Variants in ZNF527 observed in about 807,000 individuals in gnomAD.
ZNF527 encodes the protein zinc finger protein 527.
In ZNF527, 5 loss-of-function variants were observed where a neutral mutation model predicts 13.5. The ratio of observed to expected loss-of-function variants is 0.37; its 90% CI spans 0.19 to 0.78. ZNF527 has a LOEUF of 0.78. Ranked by LOEUF, ZNF527 falls within the 30% of genes least tolerant of loss-of-function variation. ZNF527 has a pLI of 0.48. For missense variants in ZNF527, 628 were observed against 726.4 expected, an observed-to-expected ratio of 0.86 and a Z score of 1.56; for synonymous variants, 209 against 243.1, an observed-to-expected ratio of 0.86 and a Z score of 1.30.
intron 2 of ZNF527, among the ~76,000 whole-genome samples, chr19:37,374,494 G>C (rs976798438): frequency 6.6e-6 from 1 of 152,246 alleles, no homozygotes; most frequent in Non-Finnish European, 1.5e-5. Flanking sequence ...AAGGGATAGA[G>C]TTTGATTACT....
chr19:37,390,250 A>T lies in ZNF527; in HGVS notation c.*371A>T, dbSNP rs1254726237. The T allele has an allele frequency of 5.7e-6, 1 of 175,102 alleles. No homozygotes were observed. The highest frequency in any genetic ancestry group is 1.2e-5 in the Non-Finnish European group (1 of 81,710). The allele number at this position is 175,102 out of a possible 1,614,324, so 10.8% of individuals were successfully genotyped here. A position where few individuals can be genotyped will look rare whatever the true frequency, so the allele number is the denominator to read the frequency against. ...CACCACATTGGTCAGGCTGATCTCG[A>T]ACTCCTGACTTTAGGTGATCCACAC... On this transcript the variant is annotated 3_prime_UTR_variant, in exon 5 of 5. Coordinates refer to ENST00000436120, the MANE Select transcript of ZNF527 (RefSeq NM_032453.2).
intron 2 of ZNF527, among the ~76,000 whole-genome samples, chr19:37,375,190 T>A (rs1167862549): frequency 2.6e-5 from 4 of 152,156 alleles, no homozygotes; most frequent in Admixed American, 2.6e-4. Context: ...GAATGCTGAT[T>A]ATACATCTGG....
intron 2 of ZNF527, among the ~76,000 whole-genome samples, chr19:37,376,774 T>C (rs1245628427): frequency 6.6e-6 from 1 of 151,318 alleles, no homozygotes; most frequent in Non-Finnish European, 1.5e-5. Flanking sequence ...CTTACAGTAG[T>C]GTAGCCAGCA....
Position 37,379,105 on chromosome 19 carries a change from AT to A in ZNF527, c.34-8del. Reference sequence around the variant, plus strand: ...GTGTCTGGGCACCTGGTGAACAAGAATTTTTTTATTTCAGGGGTTGGTGACC... The same window carrying A: ...GTGTCTGGGCACCTGGTGAACAAGAATTTTTTATTTCAGGGGTTGGTGACC... On this transcript the variant is annotated splice_polypyrimidine_tract_variant and intron_variant, in intron 2 of 4. Coordinates refer to ENST00000436120, the MANE Select transcript of ZNF527 (RefSeq NM_032453.2). The A allele has an allele frequency of 6.2e-7, 1 of 1,614,010 alleles. No individual in the cohort carries two copies.
intron 4 of ZNF527, among the ~76,000 whole-genome samples, chr19:37,387,706 GGTTTCTTTTAGTCACT>G (rs2040711883): frequency 6.6e-6 from 1 of 152,088 alleles, no homozygotes; most frequent in South Asian, 2.1e-4. Flanking sequence ...CTGACCACTA[GGTTTCTTTTAGTCACT>G]GAGAAAAAAT....
chr19:37,374,247 C>T lies in ZNF527; in HGVS notation c.33+16C>T. 1 of 1,613,772 alleles carries T rather than the reference C, an allele frequency of 6.2e-7. No homozygotes were observed. Among genetic ancestry groups the T allele is most frequent in the Non-Finnish European group, 8.5e-7 (1 of 1,179,804 alleles). Reference sequence around the variant, plus strand: ...CATGTCCCAGGTAAGCATGCTCTTTCACTTTGTTTTCAGACATTTGACCTC... The same window carrying T: ...CATGTCCCAGGTAAGCATGCTCTTTTACTTTGTTTTCAGACATTTGACCTC... On this transcript the variant is annotated intron_variant, in intron 2 of 4. Transcript: ENST00000436120.
At chr19:37,379,945 C>A (rs1298193617) in intron 3 of ZNF527, 1 of 193,990 alleles carries the variant, frequency 5.2e-6, no homozygotes, top group Non-Finnish European at 1.1e-5. Context: ...AATAAACTCT[C>A]CAAATGATCC....
chr19:37,378,970 A>C lies in ZNF527; in HGVS notation c.34-150A>C, dbSNP rs149301131. On this transcript the variant is annotated intron_variant, in intron 2 of 4. Coordinates refer to ENST00000436120, the MANE Select transcript of ZNF527 (RefSeq NM_032453.2). ...TGTTTCTAATATTTCTCTTCTCTTA[A>C]AGTATTTGACAAACCTCAGCATGTA... The C allele has an allele frequency of 1.3e-4, 108 of 816,092 alleles. No homozygotes were observed. The African/African-American group carries it at 1.7e-3, about 13-fold the overall frequency. 50.6% of individuals were successfully genotyped at this position (816,092 alleles called of 1,614,324 possible). A position where few individuals can be genotyped will look rare whatever the true frequency, so the allele number is the denominator to read the frequency against.
intron 1 of ZNF527, among the ~76,000 whole-genome samples, chr19:37,371,879 A>T (rs952036281): frequency 1.3e-5 from 2 of 151,888 alleles, no homozygotes; most frequent in African/African-American, 2.4e-5. Context: ...GTGTGTATAT[A>T]TGAGATTGTG....
chr19:37,381,802 G>A (rs976928849), intron 4 of ZNF527, among the ~76,000 whole-genome samples: 12 of 151,900 alleles, frequency 7.9e-5, no homozygotes, highest in Non-Finnish European at 1.5e-5. Context: ...TATTAATTGG[G>A]ATTGTTCTGA....
intron 2 of ZNF527, among the ~76,000 whole-genome samples, chr19:37,377,285 G>C (rs1189964419): frequency 1.3e-5 from 2 of 152,164 alleles, no homozygotes; most frequent in Non-Finnish European, 2.9e-5. Context: ...TTGAAGCCTA[G>C]AGTTTTATTC....
chr19:37,388,749 A>G lies in ZNF527; in HGVS notation c.700A>G (p.Ser234Gly). ...AGAATTCAACCAGAGTACGTACCTT[A>G]GTAAAGATATAGGAATTCCTCCTGG... Reference protein sequence around the residue: ...CEEFNQSTYLSKDIGIPPGEK... With the variant: ...CEEFNQSTYLGKDIGIPPGEK... Residue 234 changes from serine (S) to glycine (G), a missense_variant, in exon 5 of 5, where the codon AGT becomes GGT. This residue lies in a region of ZNF527 where 592 missense variants were observed against 678.0 expected (regional missense o/e 0.87). Transcript: ENST00000436120. 6.2e-7 allele frequency: 1 copy of G among 1,612,896 alleles called. No individual in the cohort carries two copies. The highest frequency in any genetic ancestry group is 8.5e-7 in the Non-Finnish European group (1 of 1,179,762).
At chr19:37,382,509 G>A in intron 4 of ZNF527, among the ~76,000 whole-genome samples, 1 of 151,902 alleles carries the variant, frequency 6.6e-6, no homozygotes, top group Non-Finnish European at 1.5e-5. Context: ...TTCTGATAAT[G>A]AGAAAAAATA....
rs746306637 is a variant in ZNF527 at position 37,391,308 on chromosome 19, G to C, written c.*1429G>C. 2 of 152,072 alleles carry C rather than the reference G, an allele frequency of 1.3e-5. No individual in the cohort carries two copies. Among genetic ancestry groups the C allele is most frequent in the African/African-American group, 2.4e-5 (1 of 41,414 alleles). 9.4% of individuals were successfully genotyped at this position (152,072 alleles called of 1,614,324 possible). A position where few individuals can be genotyped will look rare whatever the true frequency, so the allele number is the denominator to read the frequency against. The stretch of plus-strand genomic sequence containing the variant: ...TTTAAGACCCAGTGCGGTGGCTCAC[G>C]CCTGTAATCCGAGCACTTTGGGAGG... On this transcript the variant is annotated 3_prime_UTR_variant, in exon 5 of 5. Transcript: ENST00000436120.
intron 2 of ZNF527, among the ~76,000 whole-genome samples, chr19:37,377,890 A>T (rs1048067672): frequency 6.6e-6 from 1 of 152,142 alleles, no homozygotes; most frequent in Non-Finnish European, 1.5e-5. Flanking sequence ...TTATTGATAC[A>T]GTCAGCCTCC....
rs2040740846 is a variant in ZNF527 at position 37,390,162 on chromosome 19, G to T, written c.*283G>T. On this transcript the variant is annotated 3_prime_UTR_variant, in exon 5 of 5. Transcript: ENST00000436120. The stretch of plus-strand genomic sequence containing the variant: ...TCCTGCCTCAGCCTCCTGAGTAGCT[G>T]GGATTACAGGTGCCTGCCACCATAC... 2 of 233,910 alleles carry T rather than the reference G, an allele frequency of 8.6e-6. No individual in the cohort carries two copies. Among genetic ancestry groups the T allele is most frequent in the Non-Finnish European group, 1.7e-5 (2 of 120,344 alleles). 14.5% of individuals were successfully genotyped at this position (233,910 alleles called of 1,614,324 possible). A position where few individuals can be genotyped will look rare whatever the true frequency, so the allele number is the denominator to read the frequency against.
chr19:37,388,015 T>G, intron 4 of ZNF527, among the ~76,000 whole-genome samples: 1 of 152,192 alleles, frequency 6.6e-6, no homozygotes, highest in South Asian at 2.1e-4. Flanking sequence ...CCTCAACTCC[T>G]TATCTTGTTA....
rs768741465 is a variant in ZNF527, at chr19:37,379,214, T to C, written c.128T>C (p.Met43Thr). 14 of 1,611,338 alleles carry C rather than the reference T, an allele frequency of 8.7e-6. No homozygotes were observed. In the Admixed American group the frequency reaches 2.4e-4, roughly 27 times the overall value. The part of the protein sequence containing the change: ...PSQKDLYRDV[M>T]LENYRNLVWL... ...CAGAAGGATTTATACAGAGATGTCA[T>C]GTTGGAGAACTACAGGAACTTGGTA... is the stretch of plus-strand genomic sequence containing the variant. Residue 43 changes from methionine (M) to threonine (T), a missense_variant, in exon 3 of 5, where the codon ATG becomes ACG. Around this residue, in one of 3 missense-constraint regions of ZNF527, gnomAD observed 592 missense variants for 678.0 expected, o/e 0.87. Coordinates refer to ENST00000436120, the MANE Select transcript of ZNF527 (RefSeq NM_032453.2).
chr19:37,372,431 C>T lies in ZNF527; in HGVS notation c.-42+1205C>T, dbSNP rs368935263. 7.9e-5 allele frequency among the ~76,000 whole-genome samples: 12 copies of T among 150,956 alleles called. No individual in the cohort carries two copies. The East Asian group carries it at 2.3e-3, about 29-fold the overall frequency. On this transcript the variant is annotated intron_variant, in intron 1 of 4. Coordinates refer to ENST00000436120, the MANE Select transcript of ZNF527 (RefSeq NM_032453.2). Reference sequence around the variant, plus strand: ...TGATGTATACTGAATTCTAGGTCAACCACAGTTGTCCCTTTCTTTTCTTTT... The same window carrying T: ...TGATGTATACTGAATTCTAGGTCAATCACAGTTGTCCCTTTCTTTTCTTTT...
Sources: gnomAD v4.1 joint callset for allele counts (sites outside exome capture counted in the v4.1 genomes callset) on GRCh38, gnomAD v4.1.1 for gene constraint, gnomAD v4.1.1 regional missense constraint, MANE v1.5 for transcripts, NCBI Gene and HGNC (gene_info 2026-07-23, HGNC 2026-07-21) for gene names.